Variants in USH2A observed in about 807,000 individuals in gnomAD.
The protein encoded by USH2A is Usher syndrome 2A (autosomal recessive, mild).
USH2A carries 443 observed loss-of-function variants against 538.9 expected under a neutral mutation model. The observed-to-expected ratio is 0.82, with a 90% CI of 0.76 to 0.89. USH2A has a LOEUF of 0.89. USH2A is among the 40% of genes least tolerant of loss of function. The pLI, the probability that USH2A is intolerant of heterozygous loss-of-function variation, is 0.00. For synonymous variants in USH2A, 2,413 were observed against 2,273.5 expected (o/e 1.06, Z -1.75); for missense variants, 6,633 against 6,324.8 (o/e 1.05, Z -1.65).
chr1:215,646,504 G>C (rs1266101311), intron 67 of USH2A, among the ~76,000 whole-genome samples: 1 of 151,956 alleles, frequency 6.6e-6, no homozygotes, highest in East Asian at 1.9e-4. Context: ...GATTATAATG[G>C]AGCTGCCCTG....
At chr1:215,906,921 C>G (rs1302525396) in intron 38 of USH2A, among the ~76,000 whole-genome samples, 1 of 151,948 alleles carries the variant, frequency 6.6e-6, no homozygotes, top group Non-Finnish European at 1.5e-5. Flanking sequence ...AGGCAGAAAA[C>G]TTAAAAGTCA....
chr1:216,125,270 T>G (rs1042207064), intron 21 of USH2A, among the ~76,000 whole-genome samples: 1 of 152,038 alleles, frequency 6.6e-6, no homozygotes, highest in Non-Finnish European at 1.5e-5. Context: ...GAATCTGTTA[T>G]CCAGGAAGAT....
intron 6 of USH2A, among the ~76,000 whole-genome samples, chr1:216,324,600 C>T (rs1441874815): frequency 1.3e-5 from 2 of 152,044 alleles, no homozygotes; most frequent in East Asian, 3.9e-4. Context: ...AAACAAAGAA[C>T]ATTACTTCTA....
intron 61 of USH2A, among the ~76,000 whole-genome samples, chr1:215,696,410 C>T (rs1478641798): frequency 6.6e-6 from 1 of 152,148 alleles, no homozygotes; most frequent in East Asian, 1.9e-4. Context: ...GGTTTTGAAA[C>T]TGGAAAACTG....
At chr1:215,887,723 G>A (rs988705972) in intron 41 of USH2A, among the ~76,000 whole-genome samples, 4 of 152,200 alleles carry the variant, frequency 2.6e-5, no homozygotes, top group Non-Finnish European at 5.9e-5. Flanking sequence ...GATGAACTTT[G>A]CTGTTATGCA....
intron 37 of USH2A, among the ~76,000 whole-genome samples, chr1:215,962,387 A>G (rs1408009893): frequency 1.3e-5 from 2 of 152,106 alleles, no homozygotes; most frequent in Non-Finnish European, 2.9e-5. Flanking sequence ...TGAAATAATA[A>G]AAGATTAGAA....
intron 32 of USH2A, among the ~76,000 whole-genome samples, chr1:216,005,797 C>A (rs1446200343): frequency 6.6e-6 from 1 of 151,924 alleles, no homozygotes. Context: ...AAAATAAAAA[C>A]AAAACAGGAG....
At chr1:215,892,765 ACT>A (rs1665240564) in intron 40 of USH2A, among the ~76,000 whole-genome samples, 1 of 152,092 alleles carries the variant, frequency 6.6e-6, no homozygotes, top group Non-Finnish European at 1.5e-5. Context: ...TTTCAGCCTG[ACT>A]CTGATAAAAA....
chr1:216,072,781 G>A, intron 29 of USH2A, 108 bp downstream of exon 29: 1 of 1,082,896 alleles, frequency 9.2e-7, no homozygotes, highest in Admixed American at 1.7e-5. Context: ...TCTGTCAGAA[G>A]ACTACAAAAA....
At position 215,710,591 on chromosome 1, in the gene USH2A, T is replaced by A. The variant is rs542945230; in HGVS notation, c.12066+17439A>T. On this transcript the variant is annotated intron_variant, in intron 61 of 71. Transcript: ENST00000307340. ...CATGGAAAGGAAAGGGTCCTACGGC[T>A]CTAGGTGGAGCACTCAATTTGAGGG... 1.2e-4 allele frequency among the ~76,000 whole-genome samples: 18 copies of A among 152,278 alleles called. No homozygotes were observed. The South Asian group carries it at 3.7e-3, about 32-fold the overall frequency.
intron 11 of USH2A, among the ~76,000 whole-genome samples, chr1:216,270,590 A>G (rs1244235599): frequency 2.6e-5 from 4 of 152,104 alleles, no homozygotes; most frequent in African/African-American, 9.7e-5. Flanking sequence ...AGTTTCTACC[A>G]CTTCTTCTTT....
chr1:216,366,269 T>C (rs774862526), intron 3 of USH2A, among the ~76,000 whole-genome samples: 1 of 152,132 alleles, frequency 6.6e-6, no homozygotes, highest in African/African-American at 2.4e-5. Context: ...ATTAAAATGA[T>C]AGCAAAACAT....
At chr1:216,385,787 C>T (rs1032533059) in intron 3 of USH2A, among the ~76,000 whole-genome samples, 7 of 152,184 alleles carry the variant, frequency 4.6e-5, no homozygotes, top group Non-Finnish European at 8.8e-5. Flanking sequence ...TTGCATAAAA[C>T]CTACTCTTGG....
At chr1:216,281,288 G>A (rs1052612799) in intron 11 of USH2A, among the ~76,000 whole-genome samples, 17 of 151,926 alleles carry the variant, frequency 1.1e-4, no homozygotes, top group Non-Finnish European at 1.9e-4. Context: ...CTATATATCA[G>A]GTTGAATGAA....
At chr1:215,793,307 C>A (rs61828201) in intron 50 of USH2A, among the ~76,000 whole-genome samples, 1,857 of 151,984 alleles carry the variant, frequency 0.012, 19 homozygotes, top group Middle Eastern at 0.024. Flanking sequence ...TATGACAAAT[C>A]ATTGTGAAAC....
Position 216,217,363 on chromosome 1 carries a change from A to G in USH2A, c.3157+24T>C, listed in dbSNP as rs1337151561. The G allele has an allele frequency of 2.5e-6, 4 of 1,612,056 alleles. No homozygotes were observed. In the African/African-American group the frequency reaches 5.3e-5, roughly 22 times the overall value. On this transcript the variant is annotated intron_variant, in intron 15 of 71. Transcript: ENST00000307340. The stretch of plus-strand genomic sequence containing the variant: ...CCTGTATGATGCTGCTTCACACACC[A>G]GCACTGAACCAGAGTTCACTTACTT...
At chr1:216,088,898 T>C in intron 23 of USH2A, 115 bp downstream of exon 23, 4 of 1,490,982 alleles carry the variant, frequency 2.7e-6, no homozygotes, top group Non-Finnish European at 3.7e-6. Context: ...CAGCAATATA[T>C]ATGGAATTGA....
rs1657931877 is a variant in USH2A at position 215,674,484 on chromosome 1, C to G, written c.13427G>C (p.Ser4476Thr). 2 of 1,614,040 alleles carry G rather than the reference C, an allele frequency of 1.2e-6. No individual in the cohort carries two copies. Among genetic ancestry groups the G allele is most frequent in the Admixed American group, 1.7e-5 (1 of 60,012 alleles). The change falls in exon 63 of 72, where the codon AGT (serine) becomes ACT (threonine). Residue 4476 changes from serine to threonine, a missense_variant. Transcript: ENST00000307340. The part of the protein sequence containing the change: ...PPRNPNGQIR[S>T]YELRRDGTIV... ...GGTTCCATCCCTCCTAAGTTCATAA[C>G]TTCTGATCTGGCCATTTGGGTTTCT... is the stretch of plus-strand genomic sequence containing the variant.
intron 56 of USH2A, 72 bp from the exon 57 acceptor site, chr1:215,759,915 C>T: frequency 1.9e-6 from 3 of 1,557,820 alleles, no homozygotes; most frequent in Non-Finnish European, 2.7e-6. Flanking sequence ...CACACCATCC[C>T]CCCCATGAAC....
Sources: allele counts gnomAD v4.1 joint callset (sites outside exome capture counted in the v4.1 genomes callset), GRCh38; gene constraint gnomAD v4.1.1; transcripts MANE v1.5; gene names NCBI Gene and HGNC (gene_info 2026-07-23, HGNC 2026-07-21).